The following GLMN variants were observed in gnomAD, a reference collection of about 807,000 sequenced individuals.
GLMN encodes the protein glomulin, FKBP associated protein.
In GLMN, 75 loss-of-function variants were observed where a neutral mutation model predicts 87.8. The observed-to-expected ratio is 0.85, with a 90% CI of 0.71 to 1.04. The LOEUF is 1.04. GLMN is among the 50% of genes least tolerant of loss of function. The pLI is 0.00. For synonymous variants in GLMN, 206 were observed against 221.6 expected (o/e 0.93, Z 0.63); for missense variants, 588 against 658.8 (o/e 0.89, Z 1.18).
intron 2 of GLMN, 39 bp from the exon 3 acceptor site, chr1:92,297,568 A>G: frequency 6.6e-7 from 1 of 1,507,502 alleles, no homozygotes; most frequent in Non-Finnish European, 9.1e-7. Flanking sequence ...CAAACAAAAA[A>G]AAGTATATGC....
rs2100929814 is a variant in GLMN at position 92,271,654 on chromosome 1, T to C, written c.736-2A>G. ...GTGTCCAATTGCTGATAAAAAACCC[T>C]ATGAAATGGATAAAAAAGGAAACCA... On this transcript the variant is annotated splice_acceptor_variant, in intron 7 of 18. Transcript: ENST00000370360. LOFTEE classifies it high-confidence loss of function. 3 of 1,605,568 alleles carry C rather than the reference T, an allele frequency of 1.9e-6. No individual in the cohort carries two copies. Among genetic ancestry groups the C allele is most frequent in the East Asian group, 2.2e-5 (1 of 44,810 alleles).
intron 18 of GLMN, 32 bp from the exon 19 acceptor site, chr1:92,246,678 T>C: frequency 2.7e-6 from 3 of 1,096,664 alleles, no homozygotes; most frequent in Non-Finnish European, 4.2e-6. Context: ...ATGTTATTAA[T>C]GCTGCCTTTA....
At chr1:92,260,362 T>C (rs1182510428) in intron 16 of GLMN, among the ~76,000 whole-genome samples, 2 of 151,958 alleles carry the variant, frequency 1.3e-5, no homozygotes, top group African/African-American at 4.8e-5. Flanking sequence ...ACACCTGTAA[T>C]CCCAGCACTT....
intron 16 of GLMN, among the ~76,000 whole-genome samples, chr1:92,255,811 G>C (rs1654152069): frequency 6.6e-6 from 1 of 152,084 alleles, no homozygotes; most frequent in Non-Finnish European, 1.5e-5. Flanking sequence ...GAGAAAGTGG[G>C]AAAGATCTAA....
At chr1:92,274,556 A>C (rs1250179453) in intron 7 of GLMN, among the ~76,000 whole-genome samples, 1 of 152,110 alleles carries the variant, frequency 6.6e-6, no homozygotes, top group Non-Finnish European at 1.5e-5. Context: ...GGGAAAATTC[A>C]ATGTTCATGG....
chr1:92,269,186 G>A (rs1655973322), intron 9 of GLMN, among the ~76,000 whole-genome samples: 1 of 149,746 alleles, frequency 6.7e-6, no homozygotes, highest in South Asian at 2.1e-4. Flanking sequence ...ATAGGCGTGA[G>A]CCACCGTGCC....
the GLMN span, among the ~76,000 whole-genome samples, chr1:92,344,002 C>T: frequency 6.6e-6 from 1 of 152,196 alleles, no homozygotes; most frequent in Non-Finnish European, 1.5e-5. Flanking sequence ...TTCTTCGTTC[C>T]TCCCCAGAAG....
chr1:92,294,374 A>G (rs920801478), intron 3 of GLMN, among the ~76,000 whole-genome samples: 3 of 151,670 alleles, frequency 2.0e-5, no homozygotes, highest in African/African-American at 4.8e-5. Context: ...CTCCCCACTT[A>G]TCTGCAGGGG....
the GLMN span, among the ~76,000 whole-genome samples, chr1:92,328,236 C>G: frequency 4.6e-5 from 7 of 152,240 alleles, no homozygotes; most frequent in East Asian, 1.2e-3. Flanking sequence ...CTTGATTATT[C>G]CCTCAAATAT....
At chr1:92,360,003 T>TGG in the GLMN span, among the ~76,000 whole-genome samples, 1 of 3,778 alleles carries the variant, frequency 2.6e-4, no homozygotes, top group Non-Finnish European at 3.9e-4. Context: ...AGTCTGGTAA[T>TGG]TTGGTAGTGT....
intron 11 of GLMN, 34 bp downstream of exon 11, chr1:92,267,879 C>T: frequency 1.0e-6 from 1 of 994,186 alleles, no homozygotes; most frequent in Non-Finnish European, 1.6e-6. Flanking sequence ...AGGCAAAGGG[C>T]TATTTTCAAT....
intron 16 of GLMN, among the ~76,000 whole-genome samples, chr1:92,260,892 T>A (rs1262016357): frequency 6.6e-6 from 1 of 151,978 alleles, no homozygotes; most frequent in East Asian, 1.9e-4. Flanking sequence ...TGCACAATGC[T>A]AAACTGCTCT....
chr1:92,266,527 GAATA>G (rs779986327), intron 12 of GLMN, 35 bp from the exon 13 acceptor site: 1 of 1,299,492 alleles, frequency 7.7e-7, no homozygotes, highest in Admixed American at 1.7e-5. Flanking sequence ...TATATAAAAT[GAATA>G]AAGCTTACCC....
chr1:92,265,335 A>AAAAAAAAC (rs1655497613), intron 13 of GLMN, among the ~76,000 whole-genome samples: 1 of 151,204 alleles, frequency 6.6e-6, no homozygotes, highest in Non-Finnish European at 1.5e-5. Flanking sequence ...AAAAAAAAAA[A>AAAAAAAAC]AAAACTAGAT....
At chr1:92,277,647 C>T (rs1206996906) in intron 7 of GLMN, among the ~76,000 whole-genome samples, 1 of 152,136 alleles carries the variant, frequency 6.6e-6, no homozygotes, top group South Asian at 2.1e-4. Flanking sequence ...CATAATGAAG[C>T]CTCCATAAAA....
the GLMN span, chr1:92,333,281 T>A: frequency 9.0e-6 from 7 of 775,076 alleles, no homozygotes; most frequent in Non-Finnish European, 1.5e-5. Context: ...GTTATTTTCC[T>A]ACTGTGCCAC....
the GLMN span, among the ~76,000 whole-genome samples, chr1:92,321,314 G>A: frequency 1.8e-3 from 272 of 152,194 alleles, 3 homozygotes; most frequent in African/African-American, 6.0e-3. Flanking sequence ...TAATTTTTTT[G>A]AGCTTACACC....
At chr1:92,303,921 G>A (rs1651031829), upstream of GLMN, 2 of 1,205,706 alleles carry the variant, frequency 1.7e-6, no homozygotes, top group African/African-American at 3.0e-5. Flanking sequence ...TTAGAGAGCT[G>A]ATAAATGAAC....
the GLMN span, among the ~76,000 whole-genome samples, chr1:92,342,877 G>A: frequency 6.6e-6 from 1 of 152,100 alleles, no homozygotes; most frequent in Non-Finnish European, 1.5e-5. Context: ...TTGGGGGAAG[G>A]ATGAGGAGCC....
Sources: gnomAD v4.1 joint callset for allele counts (sites outside exome capture counted in the v4.1 genomes callset) on GRCh38, gnomAD v4.1.1 for gene constraint, MANE v1.5 for transcripts, NCBI Gene and HGNC (gene_info 2026-07-23, HGNC 2026-07-21) for gene names.